The following RBFOX1 variants were observed in gnomAD, a reference collection of about 807,000 sequenced individuals.
RBFOX1 encodes RNA binding protein fox-1 homolog 1.
A neutral mutation model predicts 57.7 loss-of-function variants in RBFOX1; 8 were observed. That is an observed-to-expected ratio of 0.14 (90% CI 0.08 to 0.25). The LOEUF (loss-of-function observed/expected upper bound fraction) is 0.25. Ranked by LOEUF, RBFOX1 falls within the 10% of genes least tolerant of loss-of-function variation. RBFOX1 has a pLI of 1.00. For synonymous variants in RBFOX1, 326 were observed against 222.4 expected (o/e 1.47, Z -4.15); for missense variants, 611 against 548.5 (o/e 1.11, Z -1.14).
At chr16:5,820,242 C>G (rs1231725711) in intron 3 of RBFOX1, among the ~76,000 whole-genome samples, 3 of 152,228 alleles carry the variant, frequency 2.0e-5, no homozygotes, top group South Asian at 2.1e-4. Context: ...AAAGTTCATT[C>G]TCTTAACCGC....
intron 4 of RBFOX1, among the ~76,000 whole-genome samples, chr16:7,102,814 A>G (rs982377121): frequency 1.3e-5 from 2 of 152,122 alleles, no homozygotes; most frequent in East Asian, 1.9e-4. Context: ...CCAACCAGCA[A>G]TTTTTTTGAG....
chr16:7,414,682 A>G (rs1020836719), intron 4 of RBFOX1, among the ~76,000 whole-genome samples: 4 of 152,098 alleles, frequency 2.6e-5, no homozygotes, highest in African/African-American at 9.7e-5. Context: ...TGGTGATGCG[A>G]TCTCAGTTCA....
chr16:5,704,406 A>C (rs760569922), intron 3 of RBFOX1, among the ~76,000 whole-genome samples: 9 of 152,032 alleles, frequency 5.9e-5, no homozygotes, highest in Admixed American at 2.0e-4. Flanking sequence ...GCCACAACTC[A>C]CAGGGAGTGG....
intron 1 of RBFOX1, among the ~76,000 whole-genome samples, chr16:5,276,023 C>G (rs2063132334): frequency 6.6e-6 from 1 of 152,138 alleles, no homozygotes; most frequent in African/African-American, 2.4e-5. Flanking sequence ...TCACCTTATA[C>G]AAAAATCAAC....
At chr16:7,078,162 CAA>C (rs1567175814) in intron 4 of RBFOX1, among the ~76,000 whole-genome samples, 1 of 152,110 alleles carries the variant, frequency 6.6e-6, no homozygotes, top group East Asian at 1.9e-4. Context: ...CTCTGGATTT[CAA>C]AAGTCATCGT....
At chr16:6,670,099 G>T (rs960852038) in intron 3 of RBFOX1, among the ~76,000 whole-genome samples, 1 of 152,136 alleles carries the variant, frequency 6.6e-6, no homozygotes, top group Non-Finnish European at 1.5e-5. Context: ...ATGGCTCACT[G>T]CAACCTCACC....
chr16:6,441,865 A>G (rs1244033787), intron 2 of RBFOX1, among the ~76,000 whole-genome samples: 2 of 152,090 alleles, frequency 1.3e-5, no homozygotes, highest in Non-Finnish European at 2.9e-5. Context: ...GTCCTTCTCT[A>G]TTGAATTGGA....
At chr16:5,550,611 T>C (rs530987842) in intron 2 of RBFOX1, among the ~76,000 whole-genome samples, 9 of 152,348 alleles carry the variant, frequency 5.9e-5, no homozygotes, top group African/African-American at 2.2e-4. Context: ...AATCACCAGC[T>C]TGTTATTGAC....
intron 4 of RBFOX1, among the ~76,000 whole-genome samples, chr16:5,909,385 C>T (rs1052761186): frequency 1.3e-5 from 2 of 152,120 alleles, no homozygotes; most frequent in African/African-American, 2.4e-5. Flanking sequence ...AGCCACTGTG[C>T]CCGGCCCAAG....
intron 1 of RBFOX1, among the ~76,000 whole-genome samples, chr16:6,120,074 T>C (rs1375814870): frequency 1.3e-5 from 2 of 152,220 alleles, no homozygotes; most frequent in African/African-American, 2.4e-5. Flanking sequence ...ACATTTAGTA[T>C]AGAGTTTTTT....
intron 3 of RBFOX1, among the ~76,000 whole-genome samples, chr16:5,618,799 A>G (rs1342118914): frequency 6.6e-6 from 1 of 152,190 alleles, no homozygotes; most frequent in Non-Finnish European, 1.5e-5. Context: ...GTTTGCTTTT[A>G]CTTAAAAGCG....
intron 3 of RBFOX1, among the ~76,000 whole-genome samples, chr16:6,894,552 C>G (rs1280573396): frequency 1.3e-5 from 2 of 152,048 alleles, no homozygotes; most frequent in South Asian, 2.1e-4. Context: ...AAGTGTACCC[C>G]CAAAACAAGA....
chr16:5,346,345 A>T (rs1366435100), intron 1 of RBFOX1, among the ~76,000 whole-genome samples: 2 of 152,220 alleles, frequency 1.3e-5, no homozygotes, highest in Non-Finnish European at 2.9e-5. Flanking sequence ...TCACATTTAA[A>T]TCATCATCGT....
chr16:7,514,394 A>T (rs1449835732), intron 4 of RBFOX1, among the ~76,000 whole-genome samples: 1 of 152,166 alleles, frequency 6.6e-6, no homozygotes, highest in Non-Finnish European at 1.5e-5. Flanking sequence ...CTTGGCAAAC[A>T]TTTATAAATG....
intron 4 of RBFOX1, among the ~76,000 whole-genome samples, chr16:7,459,122 G>A (rs1465756275): frequency 6.6e-6 from 1 of 152,086 alleles, no homozygotes; most frequent in African/African-American, 2.4e-5. Context: ...TAACAGTTGG[G>A]TGGGTGAGTG....
intron 4 of RBFOX1, among the ~76,000 whole-genome samples, chr16:7,257,281 A>G (rs934374478): frequency 2.0e-5 from 3 of 152,094 alleles, no homozygotes; most frequent in Non-Finnish European, 4.4e-5. Context: ...TGAGAGTATC[A>G]TTTCTTTCCC....
intron 4 of RBFOX1, among the ~76,000 whole-genome samples, chr16:7,510,479 ATGTGTGTCTGTGTGTG>A (rs2074735455): frequency 9.8e-6 from 1 of 102,432 alleles, no homozygotes; most frequent in Non-Finnish European, 2.2e-5. Context: ...GTGTGTGTGT[ATGTGTGTCTGTGTGTG>A]TGTGTGTGTG....
chr16:6,686,533 A>G (rs1050101997), intron 3 of RBFOX1, among the ~76,000 whole-genome samples: 2 of 152,204 alleles, frequency 1.3e-5, no homozygotes, highest in African/African-American at 2.4e-5. Context: ...CCATGAAATT[A>G]TATACATCTT....
At chr16:5,245,712 A>G (rs1173986980) in intron 1 of RBFOX1, among the ~76,000 whole-genome samples, 3 of 152,204 alleles carry the variant, frequency 2.0e-5, no homozygotes, top group African/African-American at 7.2e-5. Context: ...GATTATAGGC[A>G]TGAGCCACCA....
Sources: gnomAD v4.1 joint callset for allele counts (sites outside exome capture counted in the v4.1 genomes callset) on GRCh38, gnomAD v4.1.1 for gene constraint, MANE v1.5 for transcripts, NCBI Gene and HGNC (gene_info 2026-07-23, HGNC 2026-07-21) for gene names.